RELL1: variants seen among roughly 807,000 people sequenced by gnomAD.
The protein encoded by RELL1 is RELT like 1.
Under a neutral mutation model 23.0 loss-of-function variants are expected in RELL1, and 10 were observed. The ratio of observed to expected loss-of-function variants is 0.43; its 90% CI spans 0.27 to 0.74. The LOEUF is 0.74. Ranked by LOEUF, RELL1 falls within the 30% of genes least tolerant of loss-of-function variation. The probability of loss-of-function intolerance (pLI) is 0.19; values close to 1 mark genes in which losing one functional copy is unlikely to be tolerated. For missense variants in RELL1, 315 were observed against 364.4 expected (o/e 0.86, Z 1.10); for synonymous variants, 146 against 146.8 (o/e 0.99, Z 0.04).
intron 6 of RELL1, among the ~76,000 whole-genome samples, chr4:37,616,664 G>A (rs554790392): frequency 2.3e-4 from 35 of 149,564 alleles, no homozygotes; most frequent in Non-Finnish European, 4.1e-4. Context: ...TAATTCTCTT[G>A]ACCACTTTTA....
intron 6 of RELL1, among the ~76,000 whole-genome samples, chr4:37,594,804 C>T (rs978677308): frequency 6.6e-6 from 1 of 152,136 alleles, no homozygotes; most frequent in Admixed American, 6.6e-5. Context: ...CTCTCCCATC[C>T]GTACCTCCAA....
At chr4:37,648,547 G>T (rs1720786543) in intron 2 of RELL1, among the ~76,000 whole-genome samples, 1 of 152,238 alleles carries the variant, frequency 6.6e-6, no homozygotes, top group Non-Finnish European at 1.5e-5. Context: ...CATCCCTAAA[G>T]ATGATGGGAA....
chr4:37,630,671 A>AGCTGCGTGTTGG, intron 6 of RELL1, among the ~76,000 whole-genome samples: 1 of 151,412 alleles, frequency 6.6e-6, no homozygotes, highest in Admixed American at 6.6e-5. Context: ...CACCGTGCCC[A>AGCTGCGTGTTGG]GCTGCGTGTT....
intron 6 of RELL1, among the ~76,000 whole-genome samples, chr4:37,624,930 A>T (rs1404834011): frequency 6.6e-6 from 1 of 152,252 alleles, no homozygotes; most frequent in Non-Finnish European, 1.5e-5. Context: ...ACCAGCCATG[A>T]CAATTGTTAA....
intron 3 of RELL1, among the ~76,000 whole-genome samples, chr4:37,640,741 C>A (rs1047481494): frequency 7.1e-6 from 1 of 141,476 alleles, no homozygotes; most frequent in African/African-American, 2.7e-5. Flanking sequence ...AAGGATGCAA[C>A]CATCCATTTT....
chr4:37,634,797 A>T, intron 5 of RELL1, 90 bp downstream of exon 5: 1 of 1,092,376 alleles, frequency 9.2e-7, no homozygotes, highest in South Asian at 1.3e-5. Flanking sequence ...AGGCACAGAG[A>T]ACATATTCTA....
chr4:37,604,888 G>GACACACACAGACACACAC, intron 6 of RELL1, among the ~76,000 whole-genome samples: 1 of 63,504 alleles, frequency 1.6e-5, no homozygotes, highest in Admixed American at 1.4e-4. Context: ...CATACACACA[G>GACACACACAGACACACAC]ACACACACAC....
downstream of RELL1, among the ~76,000 whole-genome samples, chr4:37,609,784 G>T (rs1445672536): frequency 6.6e-6 from 1 of 152,226 alleles, no homozygotes; most frequent in African/African-American, 2.4e-5. Flanking sequence ...TGAGCATGAA[G>T]ATTGAACTGA....
At chr4:37,659,538 G>A (rs1721244286) in intron 1 of RELL1, among the ~76,000 whole-genome samples, 1 of 152,272 alleles carries the variant, frequency 6.6e-6, no homozygotes, top group Admixed American at 6.5e-5. Flanking sequence ...AGATTACCAA[G>A]ATGGCTAAAT....
At chr4:37,671,215 G>A (rs1338422676) in intron 1 of RELL1, among the ~76,000 whole-genome samples, 2 of 152,174 alleles carry the variant, frequency 1.3e-5, no homozygotes, top group Non-Finnish European at 2.9e-5. Flanking sequence ...GGCTTTCCAT[G>A]ACCCCCCTCA....
At position 37,639,276 on chromosome 4, in the gene RELL1, T is replaced by C. The variant is rs1346380833; in HGVS notation, c.386-772A>G. Among the ~76,000 whole-genome samples, 3 of 148,462 alleles carry C rather than the reference T, an allele frequency of 2.0e-5. No homozygotes were observed. The East Asian group carries it at 6.0e-4, about 30-fold the overall frequency. ...GCAGGCACCTGTAGTCCCAGCTACC[T>C]GGGAGGCTAAGGCAGAAAAATGGCA... On this transcript the variant is annotated intron_variant, in intron 3 of 6. Transcript: ENST00000454158.
At chr4:37,620,852 G>T (rs951727861) in intron 6 of RELL1, among the ~76,000 whole-genome samples, 1 of 152,166 alleles carries the variant, frequency 6.6e-6, no homozygotes, top group Admixed American at 6.5e-5. Flanking sequence ...GGGCTGATCC[G>T]ATATAGTAAT....
In RELL1 at chr4:37,647,167, T is replaced by A. The variant is rs578046986; in HGVS notation, c.385+201A>T. On this transcript the variant is annotated intron_variant, in intron 3 of 6. Coordinates refer to ENST00000454158, the MANE Select transcript of RELL1 (RefSeq NM_001085400.2). ...AGCTGACAGCGCCTCCAGGGCTGGGTCTCTGCAACGCTTAGACCGACTCAC... is the reference window on the plus strand; with the variant it reads ...AGCTGACAGCGCCTCCAGGGCTGGGACTCTGCAACGCTTAGACCGACTCAC... Among the ~76,000 whole-genome samples the A allele has an allele frequency of 7.2e-5, 11 of 152,316 alleles. No homozygotes were observed. In the South Asian group the frequency reaches 1.7e-3, roughly 23 times the overall value.
chr4:37,652,312 A>T (rs1279147463), intron 1 of RELL1, among the ~76,000 whole-genome samples: 1 of 152,228 alleles, frequency 6.6e-6, no homozygotes, highest in Non-Finnish European at 1.5e-5. Flanking sequence ...AGAATTTGAA[A>T]TAGCCAGTGT....
chr4:37,641,230 GAC>G (rs143412185), intron 3 of RELL1, among the ~76,000 whole-genome samples: 2 of 151,216 alleles, frequency 1.3e-5, no homozygotes, highest in Non-Finnish European at 3.0e-5. Context: ...TGGCATGTGG[GAC>G]ACACACACAC....
At chr4:37,589,004 A>C (rs1718456588), downstream of RELL1, 2 of 804,314 alleles carry the variant, frequency 2.5e-6, no homozygotes. Flanking sequence ...AGCTTGGGGC[A>C]TGATCAACAT....
At chr4:37,631,595 T>G (rs1720134809) in intron 5 of RELL1, 72 bp from the exon 6 acceptor site, 1 of 1,539,282 alleles carries the variant, frequency 6.5e-7, no homozygotes. Flanking sequence ...AAAGCAAAAA[T>G]CATCCACCCA....
At chr4:37,685,950 C>A (rs1722391911) in intron 1 of RELL1, among the ~76,000 whole-genome samples, 1 of 152,208 alleles carries the variant, frequency 6.6e-6, no homozygotes, top group African/African-American at 2.4e-5. Flanking sequence ...CTGGGGAACA[C>A]AGATCCTCGG....
chr4:37,622,293 G>A (rs952742548), intron 6 of RELL1, among the ~76,000 whole-genome samples: 2 of 152,244 alleles, frequency 1.3e-5, no homozygotes, highest in Non-Finnish European at 2.9e-5. Flanking sequence ...TATTGCATAA[G>A]CATGTATATG....
Sources: allele counts gnomAD v4.1 joint callset (sites outside exome capture counted in the v4.1 genomes callset), GRCh38; gene constraint gnomAD v4.1.1; transcripts MANE v1.5; gene names NCBI Gene and HGNC (gene_info 2026-07-23, HGNC 2026-07-21).